ATP10D: variants seen among roughly 807,000 people sequenced by gnomAD.
ATP10D encodes the protein phospholipid-transporting ATPase VD.
Under a neutral mutation model 144.8 loss-of-function variants are expected in ATP10D, and 89 were observed. The observed-to-expected ratio is 0.61, with a 90% confidence interval of 0.52 to 0.73. The LOEUF (loss-of-function observed/expected upper bound fraction) is 0.73. Among genes scored for constraint, ATP10D ranks in the 30% least tolerant of loss-of-function variants. The pLI is 0.00. For missense variants in ATP10D, 1,603 were observed against 1,714.8 expected, an observed-to-expected ratio of 0.93 and a Z score of 1.15; for synonymous variants, 571 against 615.1, an observed-to-expected ratio of 0.93 and a Z score of 1.06.
intron 14 of ATP10D, among the ~76,000 whole-genome samples, chr4:47,562,419 G>A (rs1321727545): frequency 1.3e-5 from 2 of 152,088 alleles, no homozygotes; most frequent in Non-Finnish European, 2.9e-5. Flanking sequence ...ACAACAAGTG[G>A]CCAACAAACA....
At chr4:47,573,426 A>G (rs1047191712) in intron 18 of ATP10D, among the ~76,000 whole-genome samples, 4 of 152,244 alleles carry the variant, frequency 2.6e-5, no homozygotes, top group African/African-American at 9.7e-5. Context: ...AAAGACACAG[A>G]TACAGATGAA....
intron 10 of ATP10D, chr4:47,547,571 G>A (rs919543295): frequency 1.3e-5 from 2 of 152,132 alleles, no homozygotes; most frequent in African/African-American, 4.8e-5. Context: ...TTCCTTCTTT[G>A]CCTTTTACAT....
At chr4:47,491,504 G>T in intron 1 of ATP10D, 1 of 601,628 alleles carries the variant, frequency 1.7e-6, no homozygotes, top group Non-Finnish European at 3.0e-6. Context: ...CCAAAAGGAA[G>T]TGCAAATAAA....
chr4:47,491,156 T>C (rs1308180697), intron 1 of ATP10D: 5 of 738,108 alleles, frequency 6.8e-6, no homozygotes, highest in Admixed American at 5.3e-5. Flanking sequence ...TTCAGGAAGG[T>C]ATCTCGCCTA....
intron 1 of ATP10D, among the ~76,000 whole-genome samples, chr4:47,508,656 C>G (rs747627238): frequency 6.6e-5 from 10 of 152,178 alleles, no homozygotes; most frequent in Middle Eastern, 3.2e-3. Flanking sequence ...TCCATAGTAA[C>G]CTCTGTTACC....
intron 9 of ATP10D, among the ~76,000 whole-genome samples, chr4:47,545,704 CTG>C: frequency 6.6e-6 from 1 of 152,290 alleles, no homozygotes; most frequent in East Asian, 1.9e-4. Context: ...GCTTTGAAGT[CTG>C]AGATTATCAT....
intron 1 of ATP10D, among the ~76,000 whole-genome samples, chr4:47,497,716 C>T (rs1357830723): frequency 6.6e-6 from 1 of 152,092 alleles, no homozygotes; most frequent in Non-Finnish European, 1.5e-5. Flanking sequence ...TTAATAAAAG[C>T]CTATCTATAT....
intron 5 of ATP10D, among the ~76,000 whole-genome samples, 159 bp from the exon 6 acceptor site, chr4:47,535,350 G>A (rs1278149788): frequency 2.7e-5 from 4 of 150,858 alleles, no homozygotes; most frequent in Non-Finnish European, 4.4e-5. Context: ...AACAAAGCAA[G>A]TAACTGCAAT....
chr4:47,521,628 TTA>T, intron 3 of ATP10D, among the ~76,000 whole-genome samples: 1 of 152,186 alleles, frequency 6.6e-6, no homozygotes, highest in South Asian at 2.1e-4. Context: ...GGACCTTTAG[TTA>T]CTCTCCATTT....
At chr4:47,570,288 G>A (rs1011358961) in intron 16 of ATP10D, among the ~76,000 whole-genome samples, 4 of 152,138 alleles carry the variant, frequency 2.6e-5, no homozygotes, top group Non-Finnish European at 5.9e-5. Flanking sequence ...GAGAGAAAGA[G>A]TTGTCATAGG....
At position 47,559,195 on chromosome 4, in the gene ATP10D, T is replaced by G. The variant is rs115143029; in HGVS notation, c.2541+166T>G. 2.3e-3 allele frequency among the ~76,000 whole-genome samples: 343 copies of G among 152,352 alleles called. 3 individuals carry two copies. The highest frequency in any genetic ancestry group is 6.9e-3 in the African/African-American group (285 of 41,574). On this transcript the variant is annotated intron_variant, in intron 13 of 22. Transcript: ENST00000273859. ...TTCCATATATTGGTTGGTTGAAGTT[T>G]GTTCAAAGTATTTTGCTACAAGGAT...
intron 1 of ATP10D, among the ~76,000 whole-genome samples, chr4:47,485,843 C>CACT (rs869288900): frequency 1.4e-4 from 1 of 7,054 alleles, no homozygotes; most frequent in East Asian, 1.1e-3. Context: ...TCTCACACAC[C>CACT]TTTGTACACG....
intron 9 of ATP10D, 114 bp downstream of exon 9, chr4:47,537,052 T>C (rs1256808479): frequency 8.1e-7 from 1 of 1,233,932 alleles, no homozygotes; most frequent in East Asian, 2.5e-5. Context: ...AATCATTGAG[T>C]ACTTAATGCT....
intron 3 of ATP10D, among the ~76,000 whole-genome samples, chr4:47,520,794 T>C (rs6822381): frequency 0.99 from 151,023 of 152,280 alleles, 74,902 homozygotes; most frequent in East Asian, 1. Context: ...GTCTCAATCT[T>C]CTGACCCTGT....
chr4:47,546,136 A>G (rs1171002023), intron 9 of ATP10D, among the ~76,000 whole-genome samples: 1 of 152,244 alleles, frequency 6.6e-6, no homozygotes, highest in East Asian at 1.9e-4. Flanking sequence ...ATAAGGATGG[A>G]CGTGATCATT....
intron 1 of ATP10D, among the ~76,000 whole-genome samples, chr4:47,504,864 G>A (rs1715936555): frequency 6.6e-6 from 1 of 152,280 alleles, no homozygotes; most frequent in Non-Finnish European, 1.5e-5. Flanking sequence ...CCATAGATAC[G>A]AAATTTCTCT....
At chr4:47,557,509 A>G (rs1339593886) in intron 11 of ATP10D, 155 bp from the exon 12 acceptor site, 5 of 587,446 alleles carry the variant, frequency 8.5e-6, no homozygotes, top group African/African-American at 1.9e-5. Context: ...TATTTGTATT[A>G]ATATTTTCCA....
At chr4:47,553,375 A>G (rs137879439) in intron 10 of ATP10D, among the ~76,000 whole-genome samples, 328 of 152,364 alleles carry the variant, frequency 2.2e-3, no homozygotes, top group African/African-American at 7.6e-3. Flanking sequence ...TGCTAAGTCA[A>G]ATAGCACAAG....
chr4:47,539,770 G>C (rs1718037122), intron 9 of ATP10D, among the ~76,000 whole-genome samples: 1 of 152,158 alleles, frequency 6.6e-6, no homozygotes, highest in South Asian at 2.1e-4. Context: ...AAAATATACA[G>C]TGAGAAGCAC....
Sources: allele counts gnomAD v4.1 joint callset (sites outside exome capture counted in the v4.1 genomes callset), GRCh38; gene constraint gnomAD v4.1.1; transcripts MANE v1.5; gene names NCBI Gene and HGNC (gene_info 2026-07-23, HGNC 2026-07-21).